The following MYO5A variants were observed in gnomAD, a reference collection of about 807,000 sequenced individuals.
The protein encoded by MYO5A is unconventional myosin-Va.
MYO5A carries 98 observed loss-of-function variants against 249.7 expected under a neutral mutation model. The ratio of observed to expected loss-of-function variants is 0.39; its 90% CI spans 0.33 to 0.46. MYO5A has a LOEUF of 0.46. Among genes scored for constraint, MYO5A ranks in the 20% least tolerant of loss-of-function variants. The pLI is 0.98. For synonymous variants in MYO5A, 778 were observed against 810.6 expected (o/e 0.96, Z 0.68); for missense variants, 1,696 against 2,308.8 (o/e 0.73, Z 5.44).
At chr15:52,369,869 C>CTTTTT (rs5812601) in intron 22 of MYO5A, among the ~76,000 whole-genome samples, 2 of 93,804 alleles carry the variant, frequency 2.1e-5, no homozygotes, top group African/African-American at 3.7e-5. Flanking sequence ...CCCAGACTGA[C>CTTTTT]TTTTTTTTTT....
intron 4 of MYO5A, among the ~76,000 whole-genome samples, chr15:52,418,985 C>G (rs1351022281): frequency 1.3e-5 from 2 of 152,198 alleles, no homozygotes; most frequent in Non-Finnish European, 2.9e-5. Context: ...CTTCCAAGAT[C>G]ATCAACTTGT....
At chr15:52,345,338 T>C (rs1467321643) in intron 30 of MYO5A, among the ~76,000 whole-genome samples, 1 of 151,884 alleles carries the variant, frequency 6.6e-6, no homozygotes, top group African/African-American at 2.4e-5. Flanking sequence ...TCCTAGCACG[T>C]TGGGAGGCCG....
At chr15:52,511,063 C>A (rs2077380245) in intron 1 of MYO5A, among the ~76,000 whole-genome samples, 1 of 152,246 alleles carries the variant, frequency 6.6e-6, no homozygotes, top group African/African-American at 2.4e-5. Flanking sequence ...CAGGCAGTGA[C>A]TGAGGAGGCA....
intron 24 of MYO5A, among the ~76,000 whole-genome samples, chr15:52,361,236 C>T (rs954838043): frequency 6.6e-6 from 1 of 152,192 alleles, no homozygotes; most frequent in Admixed American, 6.5e-5. Context: ...TGTTTACAGA[C>T]ACAGGCACTC....
chr15:52,472,534 T>C (rs1298185179), intron 1 of MYO5A, among the ~76,000 whole-genome samples: 3 of 152,132 alleles, frequency 2.0e-5, no homozygotes, highest in Non-Finnish European at 4.4e-5. Flanking sequence ...CCTAATGCTA[T>C]CCCTCCCCCA....
chr15:52,527,935 G>T (rs1047480961), intron 1 of MYO5A, among the ~76,000 whole-genome samples: 4 of 152,178 alleles, frequency 2.6e-5, no homozygotes, highest in African/African-American at 9.7e-5. Flanking sequence ...AAAATGCCAT[G>T]ATTACATATA....
chr15:52,414,625 C>T (rs2043396502), intron 5 of MYO5A, among the ~76,000 whole-genome samples: 1 of 152,172 alleles, frequency 6.6e-6, no homozygotes, highest in East Asian at 1.9e-4. Flanking sequence ...AATGCCATCA[C>T]ATTCAAGACT....
intron 29 of MYO5A, 95 bp from the exon 30 acceptor site, chr15:52,346,556 A>T (rs2039639697): frequency 1.3e-6 from 1 of 789,150 alleles, no homozygotes; most frequent in Non-Finnish European, 2.2e-6. Context: ...GGCAGTGGTT[A>T]TGTGCTCCAC....
At chr15:52,507,735 T>C (rs2141606827) in intron 1 of MYO5A, among the ~76,000 whole-genome samples, 1 of 145,078 alleles carries the variant, frequency 6.9e-6, no homozygotes, top group African/African-American at 2.6e-5. Flanking sequence ...GCCTGAGAGG[T>C]CGAGGCTGCA....
At chr15:52,394,271 A>G (rs1460817809) in intron 11 of MYO5A, among the ~76,000 whole-genome samples, 2 of 152,242 alleles carry the variant, frequency 1.3e-5, no homozygotes, top group African/African-American at 4.8e-5. Flanking sequence ...GTCTCCTGCT[A>G]GAGACCTCTG....
intron 1 of MYO5A, among the ~76,000 whole-genome samples, chr15:52,455,327 G>T (rs1382972395): frequency 6.6e-6 from 1 of 151,662 alleles, no homozygotes; most frequent in Non-Finnish European, 1.5e-5. Flanking sequence ...TAACAACAAC[G>T]ACAAAAAAGA....
chr15:52,396,488 T>C (rs2042490147), intron 10 of MYO5A, 91 bp from the exon 11 acceptor site: 1 of 736,660 alleles, frequency 1.4e-6, no homozygotes, highest in Non-Finnish European at 2.3e-6. Context: ...AAGAAAGAAG[T>C]GGGACATTCC....
intron 31 of MYO5A, 92 bp from the exon 32 acceptor site, chr15:52,340,486 G>C (rs2140988620): frequency 1.8e-6 from 2 of 1,101,098 alleles, no homozygotes; most frequent in East Asian, 4.8e-5. Flanking sequence ...GCAAGAGTAG[G>C]AAAAGCAGAT....
chr15:52,481,357 G>C (rs1320902999), intron 1 of MYO5A, among the ~76,000 whole-genome samples: 2 of 152,160 alleles, frequency 1.3e-5, no homozygotes, highest in Non-Finnish European at 2.9e-5. Flanking sequence ...AACTAATTCT[G>C]TTTGGTTCCA....
chr15:52,361,066 C>G (rs968031975), intron 24 of MYO5A, among the ~76,000 whole-genome samples: 2 of 152,170 alleles, frequency 1.3e-5, no homozygotes, highest in African/African-American at 4.8e-5. Context: ...GCAGACTCAT[C>G]CAGAGGCACG....
chr15:52,422,630 T>C (rs567552368), intron 4 of MYO5A, among the ~76,000 whole-genome samples: 3 of 152,334 alleles, frequency 2.0e-5, no homozygotes, highest in East Asian at 1.9e-4. Flanking sequence ...ATCTTTTCCA[T>C]GGATCAAGGC....
chr15:52,355,858 G>A (rs925517152), intron 25 of MYO5A, among the ~76,000 whole-genome samples: 3 of 152,134 alleles, frequency 2.0e-5, no homozygotes, highest in South Asian at 2.1e-4. Context: ...TGTGGAAACC[G>A]AGGGACGACT....
At chr15:52,444,832 G>A (rs2141350012) in intron 1 of MYO5A, among the ~76,000 whole-genome samples, 1 of 152,258 alleles carries the variant, frequency 6.6e-6, no homozygotes, top group Non-Finnish European at 1.5e-5. Context: ...AAGAAGTCAT[G>A]GGTAATTTTT....
chr15:52,460,015 C>T (rs1218478788), intron 1 of MYO5A, among the ~76,000 whole-genome samples: 3 of 150,954 alleles, frequency 2.0e-5, no homozygotes, highest in Non-Finnish European at 4.4e-5. Flanking sequence ...GACGGGGTCG[C>T]GGCCGGGCAG....
Sources: allele counts gnomAD v4.1 joint callset (sites outside exome capture counted in the v4.1 genomes callset), GRCh38; gene constraint gnomAD v4.1.1; transcripts MANE v1.5; gene names NCBI Gene and HGNC (gene_info 2026-07-23, HGNC 2026-07-21).